Variants in SLC15A3 observed in about 807,000 individuals in gnomAD.
SLC15A3 encodes the protein osteoclast transporter.
In SLC15A3, 39 loss-of-function variants were observed where a neutral mutation model predicts 49.2. The ratio of observed to expected loss-of-function variants is 0.79; its 90% CI spans 0.61 to 1.04. SLC15A3 has a LOEUF of 1.04. Among genes scored for constraint, SLC15A3 ranks in the 50% least tolerant of loss-of-function variants. SLC15A3 has a pLI of 0.00. For synonymous variants in SLC15A3, 339 were observed against 367.0 expected (o/e 0.92, Z 0.87); for missense variants, 758 against 794.8 (o/e 0.95, Z 0.56).
chr11:60,937,486 G>T, intron 7 of SLC15A3, 113 bp from the exon 8 acceptor site: 13 of 1,372,242 alleles, frequency 9.5e-6, no homozygotes, highest in Non-Finnish European at 1.3e-5. Flanking sequence ...GGGCAGTGGT[G>T]GGATCTGAAG....
At position 60,943,702 on chromosome 11, in the gene SLC15A3, A is replaced by G. The variant is rs1289088396; in HGVS notation, c.983T>C (p.Met328Thr). 6.3e-7 allele frequency: 1 copy of G among 1,589,804 alleles called. No homozygotes were observed. The highest frequency in any genetic ancestry group is 8.6e-7 in the Non-Finnish European group (1 of 1,166,430). Residue 328 changes from methionine (M) to threonine (T), a missense_variant, in exon 3 of 8, where the codon ATG becomes ACG. Around this residue, in one of 3 missense-constraint regions of SLC15A3, gnomAD observed 699 missense variants for 706.7 expected, o/e 0.99. Transcript: ENST00000227880. Reference protein sequence around the residue: ...PVMVTLVPYWMVYFQMQSTYV... With the variant: ...PVMVTLVPYWTVYFQMQSTYV... ...AGGTATGCTCACCTGGAAGTAGACC[A>G]TCCAGTAGGGCACCAGGGTCACCAT...
intron 5 of SLC15A3, chr11:60,939,885 T>G: frequency 2.0e-6 from 1 of 499,074 alleles, no homozygotes; most frequent in Non-Finnish European, 3.6e-6. Flanking sequence ...CAACTCTCAT[T>G]AATGGAGAAC....
Position 60,946,888 on chromosome 11 carries a change from C to T in SLC15A3, c.559-67G>A, listed in dbSNP as rs1052452661. On this transcript the variant is annotated intron_variant, in intron 1 of 7. Coordinates refer to ENST00000227880, the MANE Select transcript of SLC15A3 (RefSeq NM_016582.3). ...CGGGGCACTCTCTGTACCCATACCC[C>T]TCCCTCCTACAGAGACACTTCTTGG... 1.6e-5 allele frequency: 24 copies of T among 1,517,512 alleles called. No homozygotes were observed. In the African/African-American group the frequency reaches 3.2e-4, roughly 20 times the overall value. The allele number at this position is 1,517,512 out of a possible 1,614,324, so 94.0% of individuals were successfully genotyped here. A position where few individuals can be genotyped will look rare whatever the true frequency, so the allele number is the denominator to read the frequency against.
chr11:60,942,054 G>A lies in SLC15A3; in HGVS notation c.1088C>T (p.Ala363Val). The change falls in exon 4 of 8, where the codon GCC becomes GTC. Residue 363 changes from alanine to valine, a missense_variant. Transcript: ENST00000227880. The part of the protein sequence containing the change: ...NPANISVALR[A>V]QGSSYTIPEA... ...TCTCACCGTGTAGCTGCTGCCCTGG[G>A]CTCTCAGGGCCACAGAGATGTTGGC... 6.2e-7 allele frequency: 1 copy of A among 1,614,096 alleles called. No homozygotes were observed. Among genetic ancestry groups the A allele is most frequent in the Non-Finnish European group, 8.5e-7 (1 of 1,179,962 alleles).
intron 3 of SLC15A3, 168 bp from the exon 4 acceptor site, chr11:60,942,313 G>T: frequency 1.7e-6 from 1 of 595,606 alleles, no homozygotes; most frequent in Non-Finnish European, 3.0e-6. Flanking sequence ...AGGTAGCTGG[G>T]CTGGGCAGGG....
chr11:60,949,560 G>GAAGGA (rs1856875022), intron 1 of SLC15A3, among the ~76,000 whole-genome samples: 1 of 85,428 alleles, frequency 1.2e-5, no homozygotes, highest in Non-Finnish European at 3.0e-5. Context: ...AAGAAAGAAA[G>GAAGGA]AAAGAAAGAA....
At chr11:60,938,164 C>T in intron 6 of SLC15A3, 139 bp from the exon 7 acceptor site, 1 of 1,027,712 alleles carries the variant, frequency 9.7e-7, no homozygotes, top group Admixed American at 2.9e-5. Context: ...CACTCAGTGG[C>T]AATGACAGCA....
At chr11:60,944,305 C>T (rs930223114) in intron 2 of SLC15A3, among the ~76,000 whole-genome samples, 1 of 152,148 alleles carries the variant, frequency 6.6e-6, no homozygotes, top group Non-Finnish European at 1.5e-5. Flanking sequence ...TCCTCCACCC[C>T]GCTGTTAGCA....
chr11:60,949,512 G>GAAAGAA (rs1856866833), intron 1 of SLC15A3, among the ~76,000 whole-genome samples: 1 of 62,662 alleles, frequency 1.6e-5, no homozygotes, highest in African/African-American at 3.8e-5. Flanking sequence ...AGGAAAGAAA[G>GAAAGAA]AAAGAAAGAA....
At chr11:60,949,858 T>C (rs1296594255) in intron 1 of SLC15A3, among the ~76,000 whole-genome samples, 1 of 152,270 alleles carries the variant, frequency 6.6e-6, no homozygotes, top group East Asian at 1.9e-4. Context: ...CACCTCGTCT[T>C]TCCACATGGC....
chr11:60,942,155 G>C lies in SLC15A3; in HGVS notation c.997-10C>G. ...CATAGGTGGACTGCATCTGCCAAGA[G>C]AGACAGGGGTGAGGCTGGAACAGAA... On this transcript the variant is annotated splice_polypyrimidine_tract_variant and intron_variant, in intron 3 of 7. Transcript: ENST00000227880. The C allele has an allele frequency of 6.2e-7, 1 of 1,612,174 alleles. No homozygotes were observed. The highest frequency in any genetic ancestry group is 1.3e-5 in the African/African-American group (1 of 75,010).
intron 4 of SLC15A3, chr11:60,941,578 C>A: frequency 7.6e-6 from 3 of 393,622 alleles, no homozygotes; most frequent in South Asian, 5.0e-5. Context: ...CTGCCATGGG[C>A]AAGGAAATGG....
intron 6 of SLC15A3, 65 bp downstream of exon 6, chr11:60,939,415 A>C (rs1025126306): frequency 6.3e-7 from 1 of 1,584,454 alleles, no homozygotes; most frequent in Non-Finnish European, 8.6e-7. Context: ...GGGGTACCTG[A>C]CTTTGAGGTG....
intron 1 of SLC15A3, among the ~76,000 whole-genome samples, chr11:60,949,156 G>A (rs111754458): frequency 7.2e-5 from 11 of 152,036 alleles, no homozygotes; most frequent in African/African-American, 1.9e-4. Flanking sequence ...CCAACATGGC[G>A]AAACCACATC....
At chr11:60,943,160 T>G (rs990345700) in intron 3 of SLC15A3, 5 of 152,222 alleles carry the variant, frequency 3.3e-5, no homozygotes, top group Non-Finnish European at 7.3e-5. Flanking sequence ...ACAGCATATT[T>G]TTAAAAGCTC....
At position 60,937,952 on chromosome 11, in the gene SLC15A3, C is replaced by T. The variant is rs770918025; in HGVS notation, c.1509G>A (p.Ser503=). 7.4e-6 allele frequency: 12 copies of T among 1,614,180 alleles called. No homozygotes were observed. Among genetic ancestry groups the T allele is most frequent in the Middle Eastern group, 1.7e-4 (1 of 6,060 alleles). The part of the protein sequence containing the change: ...GAIMGIFFCL[S]GVGSLLGSSL... Reference sequence around the variant, plus strand: ...TGGAGCCCAACAGTGAGCCCACCCCCGACAGGCAGAAGAAGATGCCCATGA... The same window carrying T: ...TGGAGCCCAACAGTGAGCCCACCCCTGACAGGCAGAAGAAGATGCCCATGA... The change falls in exon 7 of 8, where the codon TCG becomes TCA. Residue 503 remains serine, a synonymous_variant. Transcript: ENST00000227880.
At chr11:60,950,536 C>T (rs1224895092) in intron 1 of SLC15A3, among the ~76,000 whole-genome samples, 1 of 152,148 alleles carries the variant, frequency 6.6e-6, no homozygotes. Context: ...GCCTGTAATC[C>T]CAGCACTTTG....
intron 4 of SLC15A3, 102 bp downstream of exon 4, chr11:60,941,933 A>T (rs1856715229): frequency 8.7e-7 from 1 of 1,144,874 alleles, no homozygotes; most frequent in African/African-American, 1.5e-5. Flanking sequence ...GTTGCCTTGC[A>T]GGCAGGAAAG....
At chr11:60,944,342 G>A (rs1405199362) in intron 2 of SLC15A3, among the ~76,000 whole-genome samples, 1 of 151,918 alleles carries the variant, frequency 6.6e-6, no homozygotes, top group African/African-American at 2.4e-5. Flanking sequence ...CACCACCATC[G>A]CCAAGGCCAG....
Sources: gnomAD v4.1 joint callset for allele counts (sites outside exome capture counted in the v4.1 genomes callset) on GRCh38, gnomAD v4.1.1 for gene constraint, gnomAD v4.1.1 regional missense constraint, MANE v1.5 for transcripts, NCBI Gene and HGNC (gene_info 2026-07-23, HGNC 2026-07-21) for gene names.